The following DAB1 variants were observed in gnomAD, a reference collection of about 807,000 sequenced individuals.
The protein encoded by DAB1 is DAB adaptor protein 1.
DAB1 carries 15 observed loss-of-function variants against 64.6 expected under a neutral mutation model. The observed-to-expected ratio is 0.23, with a 90% CI of 0.16 to 0.36. The LOEUF (loss-of-function observed/expected upper bound fraction) is 0.36, where lower values mean the gene tolerates loss of function less well. DAB1 is among the 10% of genes least tolerant of loss of function. DAB1 has a pLI of 1.00. For synonymous variants in DAB1, 235 were observed against 251.9 expected (o/e 0.93, Z 0.64); for missense variants, 596 against 706.7 (o/e 0.84, Z 1.78).
In DAB1 at chr1:58,137,239, G is replaced by A. The variant is rs572983654; in HGVS notation, n.387+13272C>T. ...CATATAAATCATCTTATCTAAGTCC[G>A]TTGTTTTACACTAAGAAAAGGGATC... is the stretch of plus-strand genomic sequence containing the variant. On this transcript the variant is annotated intron_variant and non_coding_transcript_variant, in intron 5 of 20. Transcript: ENST00000485760. Among the ~76,000 whole-genome samples the A allele has an allele frequency of 3.5e-4, 54 of 152,226 alleles. 1 individual carries two copies. The South Asian group carries it at 0.01, about 29-fold the overall frequency.
intron 4 of DAB1, among the ~76,000 whole-genome samples, chr1:58,286,234 C>T (rs537425263): frequency 1.3e-5 from 2 of 152,262 alleles, no homozygotes; most frequent in Admixed American, 1.3e-4. Flanking sequence ...TTAGGCAATA[C>T]CATTCAGGAC....
rs186599200 is a variant in DAB1 at position 57,392,169 on chromosome 1, C to T, written c.-137+31761G>A. 1.7e-3 allele frequency among the ~76,000 whole-genome samples: 253 copies of T among 152,190 alleles called. 1 individual carries two copies. Among genetic ancestry groups the T allele is most frequent in the African/African-American group, 5.7e-3 (238 of 41,532 alleles). On this transcript the variant is annotated intron_variant, in intron 1 of 14. Coordinates refer to ENST00000371236, the MANE Select transcript of DAB1 (RefSeq NM_001365792.1). ...CGGACAGATCACAAGATCAGGAGAT[C>T]GAGACCAGCCATGGCCAATATGATG...
chr1:57,569,151 G>C (rs1308918270), intron 7 of DAB1, among the ~76,000 whole-genome samples: 16 of 149,480 alleles, frequency 1.1e-4, no homozygotes, highest in African/African-American at 3.9e-4. Flanking sequence ...CCAGCTACTC[G>C]GGAGGCTGAG....
intron 2 of DAB1, among the ~76,000 whole-genome samples, chr1:58,509,540 A>G (rs867649315): frequency 2.1e-4 from 32 of 151,782 alleles, no homozygotes; most frequent in Non-Finnish European, 3.8e-4. Context: ...CTACATTAAA[A>G]AAAAAAAGAA....
intron 6 of DAB1, among the ~76,000 whole-genome samples, chr1:57,809,963 C>T (rs532377769): frequency 1.3e-5 from 2 of 152,294 alleles, no homozygotes; most frequent in South Asian, 4.2e-4. Flanking sequence ...GTTATTAGGG[C>T]TTTCCAAATT....
intron 7 of DAB1, among the ~76,000 whole-genome samples, chr1:57,553,915 G>A (rs1166556311): frequency 6.6e-6 from 1 of 152,036 alleles, no homozygotes; most frequent in Non-Finnish European, 1.5e-5. Context: ...AACGGGAGGG[G>A]GCAATGTTAG....
At chr1:57,547,529 T>C (rs780360731) in intron 7 of DAB1, among the ~76,000 whole-genome samples, 3 of 152,212 alleles carry the variant, frequency 2.0e-5, no homozygotes, top group Non-Finnish European at 4.4e-5. Context: ...TTAAGCAAAG[T>C]TGACAGCTGA....
At chr1:57,535,322 G>A (rs1644712803) in intron 7 of DAB1, among the ~76,000 whole-genome samples, 1 of 152,026 alleles carries the variant, frequency 6.6e-6, no homozygotes, top group African/African-American at 2.4e-5. Context: ...CATAACAAGT[G>A]AAAAATATAT....
At chr1:57,118,549 T>C (rs1363648762) in intron 4 of DAB1, among the ~76,000 whole-genome samples, 1 of 152,214 alleles carries the variant, frequency 6.6e-6, no homozygotes, top group Non-Finnish European at 1.5e-5. Flanking sequence ...GACCAATGTA[T>C]GAAGTTAACA....
rs1645582512 is a variant in DAB1 at position 56,995,463 on chromosome 1, C to T, written c.*2681G>A. ...AGTTGAAAAACTTGACTTTATTTCC[C>T]TTACTTTAATGCATCACTTGGGCAT... On this transcript the variant is annotated 3_prime_UTR_variant, in exon 15 of 15. Transcript: ENST00000371236. 6.6e-6 allele frequency: 1 copy of T among 152,174 alleles called. No individual in the cohort carries two copies. The highest frequency in any genetic ancestry group is 1.5e-5 in the Non-Finnish European group (1 of 68,034). The allele number at this position is 152,174 out of a possible 1,614,324, so 9.4% of individuals were successfully genotyped here.
intron 6 of DAB1, among the ~76,000 whole-genome samples, chr1:57,703,885 A>G (rs1338620714): frequency 6.6e-6 from 1 of 152,188 alleles, no homozygotes; most frequent in African/African-American, 2.4e-5. Flanking sequence ...TGTCCTTTGC[A>G]GGGAGACGGA....
intron 1 of DAB1, among the ~76,000 whole-genome samples, chr1:57,315,895 G>T (rs1184647367): frequency 6.6e-6 from 1 of 152,162 alleles, no homozygotes; most frequent in Admixed American, 6.5e-5. Flanking sequence ...CACTGTTATT[G>T]TAAGTACAGG....
chr1:57,965,529 C>T (rs192997622), intron 5 of DAB1, among the ~76,000 whole-genome samples: 4 of 152,022 alleles, frequency 2.6e-5, no homozygotes, highest in Non-Finnish European at 5.9e-5. Flanking sequence ...TTTTGGTATG[C>T]AATAAGCTTT....
rs34370854 is a variant in DAB1, at chr1:57,555,025, A to ATTT, written n.625+94564_625+94566dup. 4.7e-4 allele frequency among the ~76,000 whole-genome samples: 32 copies of ATTT among 68,494 alleles called. 2 individuals are homozygous for ATTT. Among genetic ancestry groups the ATTT allele is most frequent in the African/African-American group, 1.7e-3 (30 of 17,872 alleles). The allele number at this position is 68,494 out of a possible 152,430, so 44.9% of individuals were successfully genotyped here. A position where few individuals can be genotyped will look rare whatever the true frequency, so the allele number is the denominator to read the frequency against. On this transcript the variant is annotated intron_variant and non_coding_transcript_variant, in intron 7 of 20. Coordinates refer to the DAB1 transcript ENST00000485760. ...AGAGCTCTCAATCTTCGGTATCTCT[A>ATTT]TTTTTTTTTTTTTTTTTTTTTTTTT...
chr1:57,848,900 C>T (rs1008994483), intron 1 of DAB1, among the ~76,000 whole-genome samples: 2 of 152,014 alleles, frequency 1.3e-5, no homozygotes, highest in Non-Finnish European at 2.9e-5. Flanking sequence ...CTGGAATTCC[C>T]GTCACTCCAG....
chr1:57,749,234 C>A (rs1481878363), intron 6 of DAB1, among the ~76,000 whole-genome samples: 1 of 152,180 alleles, frequency 6.6e-6, no homozygotes, highest in Non-Finnish European at 1.5e-5. Flanking sequence ...GTCTTATCCA[C>A]TACCCGACAG....
chr1:57,136,240 A>G (rs1457388775), intron 4 of DAB1, among the ~76,000 whole-genome samples: 2 of 152,202 alleles, frequency 1.3e-5, no homozygotes, highest in Non-Finnish European at 2.9e-5. Context: ...CCAACGCACA[A>G]AGAAATTTAA....
intron 4 of DAB1, among the ~76,000 whole-genome samples, chr1:58,239,218 A>G (rs557170352): frequency 6.6e-6 from 1 of 152,374 alleles, no homozygotes; most frequent in South Asian, 2.1e-4. Flanking sequence ...TAACCTTAGA[A>G]GATCTTCCTT....
rs1038096307 is a variant in DAB1, at chr1:58,160,525, T to C, written n.310-9937A>G. 3.9e-5 allele frequency among the ~76,000 whole-genome samples: 6 copies of C among 152,226 alleles called. No individual in the cohort carries two copies. In the South Asian group the frequency reaches 6.2e-4, roughly 16 times the overall value. On this transcript the variant is annotated intron_variant and non_coding_transcript_variant, in intron 4 of 20. Transcript: ENST00000485760. ...TTTCATAGCATGAACTTGGGCTGAGTTGCAATTCCTATGGGGAACAGCCAG... is the reference window on the plus strand; with the variant it reads ...TTTCATAGCATGAACTTGGGCTGAGCTGCAATTCCTATGGGGAACAGCCAG...
Sources: gnomAD v4.1 joint callset for allele counts (sites outside exome capture counted in the v4.1 genomes callset) on GRCh38, gnomAD v4.1.1 for gene constraint, MANE v1.5 for transcripts, NCBI Gene and HGNC (gene_info 2026-07-23, HGNC 2026-07-21) for gene names.